The following ZBTB10 variants were observed in gnomAD, a reference collection of about 807,000 sequenced individuals.
ZBTB10 encodes zinc finger and BTB domain containing 10.
Under a neutral mutation model 76.4 loss-of-function variants are expected in ZBTB10, and 32 were observed. The ratio of observed to expected loss-of-function variants is 0.42; its 90% CI spans 0.32 to 0.56. The LOEUF is 0.56. ZBTB10 is among the 20% of genes least tolerant of loss of function. The probability of loss-of-function intolerance (pLI) is 0.14; values close to 1 mark genes in which losing one functional copy is unlikely to be tolerated. For synonymous variants in ZBTB10, 523 were observed against 432.9 expected (o/e 1.21, Z -2.58); for missense variants, 1,057 against 1,098.5 (o/e 0.96, Z 0.53).
chr8:80,513,402 T>G (rs1003408534), intron 2 of ZBTB10, among the ~76,000 whole-genome samples: 1 of 152,174 alleles, frequency 6.6e-6, no homozygotes, highest in African/African-American at 2.4e-5. Flanking sequence ...CTCAGCTTCC[T>G]AAAGTGCTGG....
chr8:80,498,184 A>G (rs1169449355), intron 1 of ZBTB10, among the ~76,000 whole-genome samples: 1 of 152,096 alleles, frequency 6.6e-6, no homozygotes, highest in Non-Finnish European at 1.5e-5. Flanking sequence ...CATTTAGGAT[A>G]TTGTTTGTGA....
intron 2 of ZBTB10, 44 bp from the exon 3 acceptor site, chr8:80,513,866 T>C (rs751369883): frequency 1.5e-5 from 23 of 1,512,272 alleles, no homozygotes; most frequent in Middle Eastern, 1.7e-4. Flanking sequence ...GGGTGGTGGC[T>C]ATGGTGTGGT....
chr8:80,514,718 G>A (rs950161034), intron 3 of ZBTB10, among the ~76,000 whole-genome samples: 2 of 152,190 alleles, frequency 1.3e-5, no homozygotes, highest in Non-Finnish European at 2.9e-5. Context: ...AGGGGAAAAG[G>A]TAAATTTACA....
chr8:80,509,208 G>A (rs1356519993), intron 2 of ZBTB10, among the ~76,000 whole-genome samples: 1 of 152,116 alleles, frequency 6.6e-6, no homozygotes, highest in East Asian at 1.9e-4. Flanking sequence ...GTTTATGGGG[G>A]GGAAAAGCAC....
At chr8:80,518,332 T>C in intron 3 of ZBTB10, 71 bp from the exon 4 acceptor site, 3 of 1,374,604 alleles carry the variant, frequency 2.2e-6, no homozygotes, top group East Asian at 2.5e-5. Flanking sequence ...AAATATAATT[T>C]CTGTTTTCTG....
At position 80,486,399 on chromosome 8, in the gene ZBTB10, G is replaced by A; in HGVS notation, c.-412G>A. ...GCGCGCGGAGGAAGGATATCTGTGT[G>A]GAGGATCGGTGTGTGCGCGCGCGGC... On this transcript the variant is annotated 5_prime_UTR_variant, in exon 1 of 6. Transcript: ENST00000455036. 1.0e-6 allele frequency: 1 copy of A among 986,790 alleles called. No individual in the cohort carries two copies. The highest frequency in any genetic ancestry group is 1.2e-6 in the Non-Finnish European group (1 of 831,890). The allele number at this position is 986,790 out of a possible 1,614,324, so 61.1% of individuals were successfully genotyped here. A position where few individuals can be genotyped will look rare whatever the true frequency, so the allele number is the denominator to read the frequency against.
At chr8:80,507,239 CAG>C (rs1263836308) in intron 2 of ZBTB10, among the ~76,000 whole-genome samples, 1 of 151,234 alleles carries the variant, frequency 6.6e-6, no homozygotes, top group Non-Finnish European at 1.5e-5. Flanking sequence ...ACCCGGGAGG[CAG>C]AGGTTGCAGT....
intron 3 of ZBTB10, 28 bp downstream of exon 3, chr8:80,514,036 T>G: frequency 1.3e-6 from 2 of 1,584,884 alleles, no homozygotes; most frequent in Non-Finnish European, 1.7e-6. Context: ...TTAGCAACAG[T>G]ACATTTAAGA....
At chr8:80,507,483 C>A (rs577670313) in intron 2 of ZBTB10, among the ~76,000 whole-genome samples, 61 of 152,024 alleles carry the variant, frequency 4.0e-4, no homozygotes, top group African/African-American at 1.4e-3. Flanking sequence ...GGCATGGTGG[C>A]GGGCACATGT....
At chr8:80,519,193 T>G in intron 5 of ZBTB10, 30 bp from the exon 6 acceptor site, 4 of 1,598,150 alleles carry the variant, frequency 2.5e-6, no homozygotes, top group Non-Finnish European at 3.4e-6. Context: ...TATAATATCC[T>G]TATATTGGAT....
chr8:80,486,119 C>CAGCCCAGCCCCA (rs1171229094), upstream of ZBTB10: 2 of 476,614 alleles, frequency 4.2e-6, no homozygotes, highest in African/African-American at 4.4e-5. Context: ...CACCCCACCC[C>CAGCCCAGCCCCA]AGCCCAGCCC....
chr8:80,485,748 T>A (rs1815428332), upstream of ZBTB10: 1 of 1,523,740 alleles, frequency 6.6e-7, no homozygotes, highest in Middle Eastern at 1.7e-4. Flanking sequence ...ACAAAATAAG[T>A]TCACTTCCTT....
Position 80,521,174 on chromosome 8 carries a change from A to G in ZBTB10, c.*1646A>G, listed in dbSNP as rs1448466679. On this transcript the variant is annotated 3_prime_UTR_variant, in exon 6 of 6. Transcript: ENST00000455036. ...TAGAATAATGGTTTATTGTTAGACA[A>G]TGATGTTTCTGCTTGGATAAATCAA... The G allele has an allele frequency of 2.6e-5, 4 of 151,994 alleles. No homozygotes were observed. Among genetic ancestry groups the G allele is most frequent in the African/African-American group, 9.6e-5 (4 of 41,552 alleles). 9.4% of individuals were successfully genotyped at this position (151,994 alleles called of 1,614,324 possible).
At chr8:80,502,234 C>G (rs1012910864) in intron 2 of ZBTB10, among the ~76,000 whole-genome samples, 4 of 152,054 alleles carry the variant, frequency 2.6e-5, no homozygotes, top group Non-Finnish European at 4.4e-5. Flanking sequence ...TCTCTTACAT[C>G]TGTTTTGTTT....
At chr8:80,485,766 G>A, upstream of ZBTB10, 1 of 1,532,060 alleles carries the variant, frequency 6.5e-7, no homozygotes, top group Non-Finnish European at 8.7e-7. Flanking sequence ...CTTGGGCACC[G>A]CCACCCACCC....
rs1363917672 is a variant in ZBTB10 at position 80,486,804 on chromosome 8, G to C, written c.-7G>C. The C allele has an allele frequency of 2.1e-6, 3 of 1,418,128 alleles. No individual in the cohort carries two copies. The highest frequency in any genetic ancestry group is 2.8e-6 in the Non-Finnish European group (3 of 1,090,646). 87.8% of individuals were successfully genotyped at this position (1,418,128 alleles called of 1,614,324 possible). On this transcript the variant is annotated 5_prime_UTR_variant, in exon 1 of 6. Coordinates refer to ENST00000455036, the MANE Select transcript of ZBTB10 (RefSeq NM_001105539.3). The stretch of plus-strand genomic sequence containing the variant: ...GGCACCGGGCGGCGGCGGCGGCGGC[G>C]CGCGCCATGTCGTTCAGTGAAATGA...
At chr8:80,489,176 A>G (rs1327068567) in intron 1 of ZBTB10, among the ~76,000 whole-genome samples, 2 of 152,248 alleles carry the variant, frequency 1.3e-5, no homozygotes, top group African/African-American at 4.8e-5. Flanking sequence ...GATTTGGAGT[A>G]AATCTGGGTT....
rs1296764817 is a variant in ZBTB10, at chr8:80,487,659, A to G, written c.849A>G (p.Gly283=). 6.2e-7 allele frequency: 1 copy of G among 1,613,854 alleles called. No homozygotes were observed. The highest frequency in any genetic ancestry group is 8.5e-7 in the Non-Finnish European group (1 of 1,179,870). Residue 283 remains glycine, a synonymous_variant, in exon 1 of 6, where the codon GGA becomes GGG. Transcript: ENST00000455036. ...GWCQKTPADG[G]SVDLPPVGHD... ...GCCAAAAGACCCCTGCAGATGGGGG[A>G]AGCGTGGACCTTCCCCCAGTGGGGC...
chr8:80,495,907 A>T (rs769411714), intron 1 of ZBTB10, among the ~76,000 whole-genome samples: 30 of 152,246 alleles, frequency 2.0e-4, no homozygotes, highest in Non-Finnish European at 4.1e-4. Context: ...AAATAAAAAA[A>T]TTCAAGATTT....
Sources: gnomAD v4.1 joint callset for allele counts (sites outside exome capture counted in the v4.1 genomes callset) on GRCh38, gnomAD v4.1.1 for gene constraint, MANE v1.5 for transcripts, NCBI Gene and HGNC (gene_info 2026-07-23, HGNC 2026-07-21) for gene names.